The following CAND1 variants were observed in gnomAD, a reference collection of about 807,000 sequenced individuals.
CAND1 encodes the protein cullin-associated NEDD8-dissociated protein 1.
A neutral mutation model predicts 108.5 loss-of-function variants in CAND1; 7 were observed. The ratio of observed to expected loss-of-function variants is 0.06; its 90% CI spans 0.04 to 0.12. The LOEUF (loss-of-function observed/expected upper bound fraction) is 0.12. CAND1 is among the 10% of genes least tolerant of loss of function. The pLI, the probability that CAND1 is intolerant of heterozygous loss-of-function variation, is 1.00. For missense variants in CAND1, 941 were observed against 1,448.7 expected, an observed-to-expected ratio of 0.65 and a Z score of 5.69; for synonymous variants, 534 against 512.0, an observed-to-expected ratio of 1.04 and a Z score of -0.58.
chr12:67,288,828 G>A (rs953074110), intron 2 of CAND1, among the ~76,000 whole-genome samples: 2 of 152,224 alleles, frequency 1.3e-5, no homozygotes, highest in African/African-American at 2.4e-5. Context: ...AGAACTGCTT[G>A]TTGAGAAGAG....
rs753626376 is a variant in CAND1, at chr12:67,297,627, A to C, written c.712A>C (p.Ile238Leu). The change falls in exon 5 of 15, where the codon ATT becomes CTT. Residue 238 changes from isoleucine to leucine, a missense_variant. By Grantham distance (5) the Ile-to-Leu change is conservative. Coordinates refer to ENST00000545606, the MANE Select transcript of CAND1 (RefSeq NM_018448.5). ...AACAACAAGAACCTACATACAATGTATTGCTGCTATTAGTAGGCAAGCTGG... is the reference window on the plus strand; with the variant it reads ...AACAACAAGAACCTACATACAATGTCTTGCTGCTATTAGTAGGCAAGCTGG... ...MSTTRTYIQCIAAISRQAGHR... is the reference protein window; with the variant it reads ...MSTTRTYIQCLAAISRQAGHR... 6.2e-7 allele frequency: 1 copy of C among 1,613,596 alleles called. No individual in the cohort carries two copies. The highest frequency in any genetic ancestry group is 2.2e-5 in the East Asian group (1 of 44,862).
At position 67,306,183 on chromosome 12, in the gene CAND1, C is replaced by G; in HGVS notation, c.2515C>G (p.Leu839Val). The G allele has an allele frequency of 6.2e-7, 1 of 1,614,118 alleles. No homozygotes were observed. The highest frequency in any genetic ancestry group is 1.3e-5 in the African/African-American group (1 of 75,026). Residue 839 changes from leucine to valine, a missense_variant, in exon 10 of 15, where the codon CTA becomes GTA. Physicochemically the swap from Leu to Val is conservative, Grantham distance 32. This residue lies in a region of CAND1 where 697 missense variants were observed against 942.0 expected (regional missense o/e 0.74). Transcript: ENST00000545606. ...TACAGATTCCATTCGTCTCTTAGCT[C>G]TACTTTCTCTTGGAGAAGTTGGGCA... Reference protein sequence around the residue: ...RSTDSIRLLALLSLGEVGHHI... With the variant: ...RSTDSIRLLAVLSLGEVGHHI...
Position 67,312,620 on chromosome 12 carries a change from A to C in CAND1, c.3483A>C (p.Ser1161=). ...CCATCTTACAGGTAAAGGCAAACTCAGTAAAGCAGGAGTTTGAAAAACAAG... is the reference window on the plus strand; with the variant it reads ...CCATCTTACAGGTAAAGGCAAACTCCGTAAAGCAGGAGTTTGAAAAACAAG... ...ATCTTKVKAN[S]VKQEFEKQDE... is the part of the protein sequence containing the mutation. The change falls in exon 15 of 15, where the codon TCA becomes TCC. Residue 1161 remains serine, a synonymous_variant. Coordinates refer to ENST00000545606, the MANE Select transcript of CAND1 (RefSeq NM_018448.5). 1.2e-6 allele frequency: 2 copies of C among 1,607,956 alleles called. No individual in the cohort carries two copies. The highest frequency in any genetic ancestry group is 1.7e-6 in the Non-Finnish European group (2 of 1,176,984).
chr12:67,275,282 T>G (rs1565712943), intron 1 of CAND1, among the ~76,000 whole-genome samples: 1 of 152,130 alleles, frequency 6.6e-6, no homozygotes, highest in Non-Finnish European at 1.5e-5. Flanking sequence ...ATTCCAGCAC[T>G]TTGGGAGGCC....
Position 67,269,655 on chromosome 12 carries a change from C to T in CAND1, c.-63C>T. 2 of 1,440,940 alleles carry T rather than the reference C, an allele frequency of 1.4e-6. No individual in the cohort carries two copies. Among genetic ancestry groups the T allele is most frequent in the Non-Finnish European group, 1.9e-6 (2 of 1,043,668 alleles). The allele number at this position is 1,440,940 out of a possible 1,614,324, so 89.3% of individuals were successfully genotyped here. On this transcript the variant is annotated 5_prime_UTR_variant, in exon 1 of 15. Coordinates refer to ENST00000545606, the MANE Select transcript of CAND1 (RefSeq NM_018448.5). ...GGAGGAGCTCCAGTGGCGGCGGCGG[C>T]GGCGGCAGCGGCAGCGGGCAGCAGC...
Position 67,306,267 on chromosome 12 carries a change from TCTC to T in CAND1, c.2602_2604del (p.Pro868del). ...ATCTGTAATACTAGAAGCTTTCTCA[TCTC>T]CTAGTGAAGAAGTCAAATCAGCTGC... On this transcript the variant is annotated inframe_deletion, in exon 10 of 15. Transcript: ENST00000545606. 3.1e-6 allele frequency: 5 copies of T among 1,614,002 alleles called. No homozygotes were observed. Among genetic ancestry groups the T allele is most frequent in the Non-Finnish European group, 4.2e-6 (5 of 1,179,866 alleles).
chr12:67,289,454 T>C (rs2044702380), intron 2 of CAND1, among the ~76,000 whole-genome samples: 1 of 152,168 alleles, frequency 6.6e-6, no homozygotes, highest in Non-Finnish European at 1.5e-5. Context: ...AGTGGTGTGA[T>C]CATGGCTCAC....
In CAND1 at chr12:67,305,185, G is replaced by A. The variant is rs1457825998; in HGVS notation, c.1517G>A (p.Cys506Tyr). 3 of 1,613,984 alleles carry A rather than the reference G, an allele frequency of 1.9e-6. No individual in the cohort carries two copies. The Admixed American group carries it at 5.0e-5, about 27-fold the overall frequency. ...TTGTCATGTCTATACGTAATCCTCTGTAACCATTCTCCTCAAGTCTTCCAT... is the reference window on the plus strand; with the variant it reads ...TTGTCATGTCTATACGTAATCCTCTATAACCATTCTCCTCAAGTCTTCCAT... ...DALSCLYVILCNHSPQVFHPH... is the reference protein window; with the variant it reads ...DALSCLYVILYNHSPQVFHPH... The change falls in exon 10 of 15, where the codon TGT (cysteine) becomes TAT (tyrosine). Residue 506 changes from cysteine to tyrosine, a missense_variant. By Grantham distance (194) the Cys-to-Tyr change is radical (BLOSUM62 -2). Coordinates refer to ENST00000545606, the MANE Select transcript of CAND1 (RefSeq NM_018448.5). The surrounding 1 kb of genome is among the most constrained non-coding windows in gnomAD (Gnocchi z 4.4).
chr12:67,315,790 A>G lies in CAND1; in HGVS notation c.*2960A>G, dbSNP rs2045002490. On this transcript the variant is annotated 3_prime_UTR_variant, in exon 15 of 15. Transcript: ENST00000545606. Reference sequence around the variant, plus strand: ...CTAGTGGGTGTTGTGATATCTTTATATCTAGTTCAGTCTCAGATGTATGAA... The same window carrying G: ...CTAGTGGGTGTTGTGATATCTTTATGTCTAGTTCAGTCTCAGATGTATGAA... The G allele has an allele frequency of 6.6e-6, 1 of 152,172 alleles. No individual in the cohort carries two copies. Among genetic ancestry groups the G allele is most frequent in the Non-Finnish European group, 1.5e-5 (1 of 68,026 alleles). 9.4% of individuals were successfully genotyped at this position (152,172 alleles called of 1,614,324 possible).
Position 67,304,613 on chromosome 12 carries a change from C to T in CAND1, c.1302C>T (p.Asn434=). The change falls in exon 9 of 15, where the codon AAC becomes AAT. Residue 434 remains asparagine, a synonymous_variant. Transcript: ENST00000545606. ...PLTMLQSQVP[N]IVKALHKQMK... ...CTATATGATAATTGCAGGTTCCCAA[C>T]ATTGTTAAAGCTCTTCACAAACAGA... is the stretch of plus-strand genomic sequence containing the variant. The T allele has an allele frequency of 6.2e-7, 1 of 1,613,332 alleles. No individual in the cohort carries two copies. The highest frequency in any genetic ancestry group is 2.2e-5 in the East Asian group (1 of 44,798).
chr12:67,311,517 T>C (rs1426408523), intron 13 of CAND1, 176 bp from the exon 14 acceptor site: 1 of 400 alleles, frequency 2.5e-3, no homozygotes, highest in African/African-American at 7.8e-3. Flanking sequence ...AAACCACTTT[T>C]CTAGTTCTTA....
intron 2 of CAND1, among the ~76,000 whole-genome samples, chr12:67,284,613 A>G (rs2044650913): frequency 6.6e-6 from 1 of 152,018 alleles, no homozygotes. Flanking sequence ...TTGAAGATGT[A>G]TTATCCCACT....
Position 67,269,500 on chromosome 12 carries a change from C to T in CAND1, c.-218C>T, listed in dbSNP as rs566993341. ...GCGAACAGCGCCGTCGTTAGGCTGG[C>T]TCTGTAGCCTCGGCTTACCCCGGGA... On this transcript the variant is annotated 5_prime_UTR_variant, in exon 1 of 15. Transcript: ENST00000545606. 9.2e-5 allele frequency: 50 copies of T among 540,962 alleles called. No individual in the cohort carries two copies. In the South Asian group the frequency reaches 1.1e-3, roughly 12 times the overall value. The allele number at this position is 540,962 out of a possible 1,614,324, so 33.5% of individuals were successfully genotyped here. A position where few individuals can be genotyped will look rare whatever the true frequency, so the allele number is the denominator to read the frequency against.
Position 67,269,368 on chromosome 12 carries a change from A to C in CAND1, c.-350A>C, listed in dbSNP as rs1006720278. The C allele has an allele frequency of 2.8e-5, 8 of 287,884 alleles. No individual in the cohort carries two copies. Among genetic ancestry groups the C allele is most frequent in the African/African-American group, 1.6e-4 (7 of 43,862 alleles). 17.8% of individuals were successfully genotyped at this position (287,884 alleles called of 1,614,324 possible). A position where few individuals can be genotyped will look rare whatever the true frequency, so the allele number is the denominator to read the frequency against. On this transcript the variant is annotated 5_prime_UTR_variant, in exon 1 of 15. Coordinates refer to ENST00000545606, the MANE Select transcript of CAND1 (RefSeq NM_018448.5). ...GAGGCGGGCTTTGGCCTTTTGCCCT[A>C]GGGAGCGAGTGCGGAGCGAGTGGGA...
At chr12:67,284,666 A>G (rs1247071427) in intron 2 of CAND1, among the ~76,000 whole-genome samples, 3 of 105,720 alleles carry the variant, frequency 2.8e-5, no homozygotes, top group South Asian at 3.3e-4. Flanking sequence ...ATGTAACAAC[A>G]TAGGAATTGA....
intron 1 of CAND1, among the ~76,000 whole-genome samples, chr12:67,276,683 A>G (rs2044572491): frequency 6.6e-6 from 1 of 152,230 alleles, no homozygotes; most frequent in Admixed American, 6.5e-5. Context: ...ACCTTGTCCG[A>G]AATGGATGTT....
chr12:67,308,781 C>T (rs1044979619), intron 11 of CAND1, among the ~76,000 whole-genome samples: 2 of 151,816 alleles, frequency 1.3e-5, no homozygotes, highest in African/African-American at 4.8e-5. Context: ...TAGTTTGGTA[C>T]ATTTATATTG....
rs779947080 is a variant in CAND1, at chr12:67,304,700, T to C, written c.1389T>C (p.Asn463=). The C allele has an allele frequency of 5.6e-6, 9 of 1,613,856 alleles. No homozygotes were observed. Among genetic ancestry groups the C allele is most frequent in the Non-Finnish European group, 6.8e-6 (8 of 1,179,850 alleles). ...TTAACATGTTAACTGAGCTGGTAAATGTATTACCTGGGGCCCTAACTCAAC... is the reference window on the plus strand; with the variant it reads ...TTAACATGTTAACTGAGCTGGTAAACGTATTACCTGGGGCCCTAACTCAAC... ...CCFNMLTELV[N]VLPGALTQHI... is the part of the protein sequence containing the mutation. The change falls in exon 9 of 15, where the codon AAT becomes AAC. Residue 463 remains asparagine (N), a synonymous_variant. Transcript: ENST00000545606.
chr12:67,310,086 C>A lies in CAND1; in HGVS notation c.3195+16C>A. 1 of 1,609,942 alleles carries A rather than the reference C, an allele frequency of 6.2e-7. No homozygotes were observed. The highest frequency in any genetic ancestry group is 8.5e-7 in the Non-Finnish European group (1 of 1,177,716). On this transcript the variant is annotated intron_variant, in intron 12 of 14. Coordinates refer to ENST00000545606, the MANE Select transcript of CAND1 (RefSeq NM_018448.5). ...TATAAGAGAGGTAAGTTAGATCACACTGTTTATTTGAGCTTGTCTTTGACT... is the reference window on the plus strand; with the variant it reads ...TATAAGAGAGGTAAGTTAGATCACAATGTTTATTTGAGCTTGTCTTTGACT...
Sources: gnomAD v4.1 joint callset for allele counts (sites outside exome capture counted in the v4.1 genomes callset) on GRCh38, gnomAD v4.1.1 for gene constraint, gnomAD v4.1.1 regional missense constraint, Gnocchi (gnomAD v3.1) non-coding constraint, MANE v1.5 for transcripts, NCBI Gene and HGNC (gene_info 2026-07-23, HGNC 2026-07-21) for gene names.